AMTN: variants seen among roughly 807,000 people sequenced by gnomAD.
The protein encoded by AMTN is amelotin.
A neutral mutation model predicts 27.4 loss-of-function variants in AMTN; 29 were observed. The observed-to-expected ratio is 1.06, with a 90% confidence interval of 0.79 to 1.44. The LOEUF is 1.44. Among genes scored for constraint, AMTN ranks in the 40% most tolerant of loss-of-function variants. The pLI, the probability that AMTN is intolerant of heterozygous loss-of-function variation, is 0.00. For missense variants in AMTN, 247 were observed against 248.8 expected (o/e 0.99, Z 0.05); for synonymous variants, 86 against 95.7 (o/e 0.90, Z 0.59).
At position 70,526,431 on chromosome 4, in the gene AMTN, C is replaced by T. The variant is rs755492042; in HGVS notation, c.294+1470C>T. Reference sequence around the variant, plus strand: ...GTCTTTGCTTCTATAAACAATGCTACAGTGAGCATCCTTGTGACTAAGTCT... The same window carrying T: ...GTCTTTGCTTCTATAAACAATGCTATAGTGAGCATCCTTGTGACTAAGTCT... On this transcript the variant is annotated intron_variant, in intron 5 of 8. Transcript: ENST00000339336. Among the ~76,000 whole-genome samples the T allele has an allele frequency of 5.3e-5, 8 of 152,140 alleles. No homozygotes were observed. The South Asian group carries it at 1.7e-3, about 31-fold the overall frequency.
chr4:70,519,508 A>G (rs1212174325), intron 2 of AMTN, among the ~76,000 whole-genome samples: 1 of 118,226 alleles, frequency 8.5e-6, no homozygotes, highest in Non-Finnish European at 2.0e-5. Flanking sequence ...ATGAAATAAC[A>G]GAATAAAAGA....
Position 70,524,059 on chromosome 4 carries a change from C to T in AMTN, c.204+126C>T, listed in dbSNP as rs58450019. The T allele has an allele frequency of 8.7e-3, 6,005 of 688,242 alleles. 192 individuals carry two copies. The highest frequency in any genetic ancestry group is 0.071 in the African/African-American group (3,958 of 55,776). The allele number at this position is 688,242 out of a possible 1,614,324, so 42.6% of individuals were successfully genotyped here. On this transcript the variant is annotated intron_variant, in intron 4 of 8. Coordinates refer to ENST00000339336, the MANE Select transcript of AMTN (RefSeq NM_212557.4). ...ATGAAAACACACATATACTTATTCA[C>T]ATAGATAAGTTGAAAGAGAGGAGAG...
chr4:70,522,333 G>GC (rs35667553), intron 2 of AMTN, among the ~76,000 whole-genome samples: 34,964 of 151,986 alleles, frequency 0.23, 5,162 homozygotes, highest in African/African-American at 0.42. Flanking sequence ...GACCGATGTG[G>GC]CAGGCATGGC....
At chr4:70,523,786 A>G (rs548741031) in intron 3 of AMTN, 82 bp from the exon 4 acceptor site, 4 of 1,239,310 alleles carry the variant, frequency 3.2e-6, no homozygotes, top group Admixed American at 1.8e-5. Flanking sequence ...AGGACTGTCA[A>G]TTACATGAGG....
At chr4:70,525,281 G>C (rs1440626874) in intron 5 of AMTN, among the ~76,000 whole-genome samples, 1 of 152,162 alleles carries the variant, frequency 6.6e-6, no homozygotes, top group Non-Finnish European at 1.5e-5. Context: ...TTTTTCTCTA[G>C]CATATTGTTT....
chr4:70,526,150 T>C (rs977046890), intron 5 of AMTN, among the ~76,000 whole-genome samples: 1 of 152,178 alleles, frequency 6.6e-6, no homozygotes, highest in South Asian at 2.1e-4. Context: ...AAAATTCACT[T>C]GGAATCTCAT....
chr4:70,523,478 G>T (rs1258409566), intron 3 of AMTN, among the ~76,000 whole-genome samples: 1 of 152,068 alleles, frequency 6.6e-6, no homozygotes, highest in African/African-American at 2.4e-5. Flanking sequence ...CTTCTCCTCA[G>T]TCAACAGAAC....
chr4:70,518,747 T>C lies in AMTN; in HGVS notation c.-15-16T>C. ...AAAAAAATACATGGAAGAGTAACAC[T>C]TTTTTGTTGTTGTAGGTAGCAATCT... On this transcript the variant is annotated splice_polypyrimidine_tract_variant and intron_variant, in intron 1 of 8. Transcript: ENST00000339336. 1 of 1,532,928 alleles carries C rather than the reference T, an allele frequency of 6.5e-7. No homozygotes were observed. The highest frequency in any genetic ancestry group is 9.0e-7 in the Non-Finnish European group (1 of 1,106,976). The allele number at this position is 1,532,928 out of a possible 1,614,324, so 95.0% of individuals were successfully genotyped here. A position where few individuals can be genotyped will look rare whatever the true frequency, so the allele number is the denominator to read the frequency against.
chr4:70,528,685 A>C (rs368053004), intron 5 of AMTN, 38 bp from the exon 6 acceptor site: 174 of 1,586,504 alleles, frequency 1.1e-4, no homozygotes, highest in Non-Finnish European at 1.5e-4. Context: ...CATCTTCCAG[A>C]GCTTACTTTT....
In AMTN at chr4:70,524,952, G is replaced by A. The variant is rs1304765983; in HGVS notation, c.285G>A (p.Leu95=). ...TLGGLNVQQQ[L]HPHVLPIFVT... ...GAGGGTTGAATGTACAACAGCAACT[G>A]CACCCACATGTAAGTTGAACAGCTG... is the stretch of plus-strand genomic sequence containing the variant. The change falls in exon 5 of 9, where the codon CTG becomes CTA. Residue 95 remains leucine, a synonymous_variant. Coordinates refer to ENST00000339336, the MANE Select transcript of AMTN (RefSeq NM_212557.4). 6.2e-7 allele frequency: 1 copy of A among 1,613,672 alleles called. No individual in the cohort carries two copies. The highest frequency in any genetic ancestry group is 8.5e-7 in the Non-Finnish European group (1 of 1,179,772).
intron 8 of AMTN, 126 bp downstream of exon 8, chr4:70,531,426 A>G: frequency 8.1e-7 from 1 of 1,239,416 alleles, no homozygotes; most frequent in Non-Finnish European, 1.1e-6. Flanking sequence ...CCCTTTACTC[A>G]CTCACAGTTA....
At chr4:70,521,509 A>T (rs1040518667) in intron 2 of AMTN, among the ~76,000 whole-genome samples, 5 of 149,506 alleles carry the variant, frequency 3.3e-5, no homozygotes, top group Non-Finnish European at 4.4e-5. Flanking sequence ...TATACTAACA[A>T]TAGATTGTGG....
intron 3 of AMTN, among the ~76,000 whole-genome samples, 182 bp from the exon 4 acceptor site, chr4:70,523,686 G>T (rs1292199110): frequency 6.6e-6 from 1 of 152,084 alleles, no homozygotes; most frequent in Non-Finnish European, 1.5e-5. Flanking sequence ...ACATTGCTAG[G>T]GCACCTCCCA....
At position 70,532,467 on chromosome 4, in the gene AMTN, C is replaced by A; in HGVS notation, c.*2C>A. The A allele has an allele frequency of 1.9e-6, 3 of 1,606,602 alleles. No individual in the cohort carries two copies. The highest frequency in any genetic ancestry group is 2.6e-6 in the Non-Finnish European group (3 of 1,175,504). On this transcript the variant is annotated 3_prime_UTR_variant, in exon 9 of 9. Coordinates refer to ENST00000339336, the MANE Select transcript of AMTN (RefSeq NM_212557.4). ...TATTTTCTTCCAGGAATTCAGTAAG[C>A]TGTTTCAAATTTTTTCAACTAAGCT...
chr4:70,529,232 T>A, intron 7 of AMTN, 22 bp downstream of exon 7: 1 of 1,502,298 alleles, frequency 6.7e-7, no homozygotes, highest in Non-Finnish European at 8.9e-7. Flanking sequence ...AAAAATACTA[T>A]TTCAAATTAT....
intron 5 of AMTN, among the ~76,000 whole-genome samples, chr4:70,526,623 A>G (rs947439789): frequency 6.6e-6 from 1 of 152,206 alleles, no homozygotes; most frequent in African/African-American, 2.4e-5. Context: ...AGGTGATCAT[A>G]CTATAATCTA....
intron 7 of AMTN, 40 bp from the exon 8 acceptor site, chr4:70,530,999 T>G (rs1380617240): frequency 6.2e-7 from 1 of 1,607,380 alleles, no homozygotes; most frequent in Admixed American, 1.7e-5. Flanking sequence ...GAAAATGTGT[T>G]GCTTTTAACT....
In AMTN at chr4:70,531,088, T is replaced by A; in HGVS notation, c.407T>A (p.Ile136Asn). Residue 136 changes from isoleucine (I) to asparagine (N), a missense_variant, in exon 8 of 9, where the codon ATC becomes AAC. Transcript: ENST00000339336. Reference protein sequence around the residue: ...LIIHSLFPGGILPTSQAGANP... With the variant: ...LIIHSLFPGGNLPTSQAGANP... Reference sequence around the variant, plus strand: ...ATCCATTCCTTGTTCCCGGGAGGCATCCTGCCCACCAGTCAGGCAGGGGCT... The same window carrying A: ...ATCCATTCCTTGTTCCCGGGAGGCAACCTGCCCACCAGTCAGGCAGGGGCT... 1.2e-6 allele frequency: 2 copies of A among 1,614,098 alleles called. No individual in the cohort carries two copies. The highest frequency in any genetic ancestry group is 1.1e-5 in the South Asian group (1 of 91,084).
rs370895441 is a variant in AMTN at position 70,528,751 on chromosome 4, G to C, written c.323G>C (p.Gly108Ala). 1.3e-6 allele frequency: 2 copies of C among 1,596,038 alleles called. No individual in the cohort carries two copies. The highest frequency in any genetic ancestry group is 2.7e-5 in the African/African-American group (2 of 73,616). ...TTACCAATTTTTGTCACACAACTTGGAGCCCAGGTAAAAATTATGCTTAAT... is the reference window on the plus strand; with the variant it reads ...TTACCAATTTTTGTCACACAACTTGCAGCCCAGGTAAAAATTATGCTTAAT... ...HVLPIFVTQL[G>A]AQGTILSSEE... is the part of the protein sequence containing the mutation. The change falls in exon 6 of 9, where the codon GGA becomes GCA. Residue 108 changes from glycine to alanine, a missense_variant. Transcript: ENST00000339336.
Sources: gnomAD v4.1 joint callset for allele counts (sites outside exome capture counted in the v4.1 genomes callset) on GRCh38, gnomAD v4.1.1 for gene constraint, MANE v1.5 for transcripts, NCBI Gene and HGNC (gene_info 2026-07-23, HGNC 2026-07-21) for gene names.